Variants in COG3 observed in about 807,000 individuals in gnomAD.
The protein encoded by COG3 is component of oligomeric golgi complex 3.
Under a neutral mutation model 114.1 loss-of-function variants are expected in COG3, and 32 were observed. The observed-to-expected ratio is 0.28, with a 90% CI of 0.21 to 0.38. The LOEUF is 0.38. COG3 is among the 10% of genes least tolerant of loss of function. The probability of loss-of-function intolerance (pLI) is 1.00; values close to 1 mark genes in which losing one functional copy is unlikely to be tolerated. For synonymous variants in COG3, 352 were observed against 365.7 expected, an observed-to-expected ratio of 0.96 and a Z score of 0.43; for missense variants, 813 against 973.2, an observed-to-expected ratio of 0.84 and a Z score of 2.19.
At chr13:45,480,055 T>G in intron 3 of COG3, 70 bp from the exon 4 acceptor site, 4 of 1,340,554 alleles carry the variant, frequency 3.0e-6, no homozygotes, top group Non-Finnish European at 3.1e-6. Flanking sequence ...AAATGAGCCT[T>G]TGTTGTTTTT....
chr13:45,494,956 C>T (rs1188362233), intron 12 of COG3, among the ~76,000 whole-genome samples: 1 of 150,226 alleles, frequency 6.7e-6, no homozygotes, highest in East Asian at 2.0e-4. Context: ...AGTGATTCTC[C>T]TGCCTCAGCC....
At chr13:45,482,162 T>A (rs918058355) in intron 5 of COG3, among the ~76,000 whole-genome samples, 2 of 152,158 alleles carry the variant, frequency 1.3e-5, no homozygotes, top group African/African-American at 2.4e-5. Flanking sequence ...CAATTAAAGC[T>A]TATTAGGAAT....
chr13:45,529,393 G>A (rs1358966863), intron 20 of COG3, among the ~76,000 whole-genome samples: 1 of 151,910 alleles, frequency 6.6e-6, no homozygotes, highest in East Asian at 1.9e-4. Context: ...ATCTCTTACT[G>A]TGAGTCATTT....
intron 19 of COG3, 68 bp downstream of exon 19, chr13:45,519,162 T>C (rs1871841875): frequency 1.3e-6 from 2 of 1,546,442 alleles, no homozygotes; most frequent in Non-Finnish European, 1.8e-6. Context: ...TTTGAATTAC[T>C]CTCTTGTGTA....
intron 22 of COG3, among the ~76,000 whole-genome samples, chr13:45,533,079 G>A (rs893282731): frequency 6.6e-6 from 1 of 151,878 alleles, no homozygotes; most frequent in Non-Finnish European, 1.5e-5. Flanking sequence ...TGAATGTGGC[G>A]GGAGCTCATG....
In COG3 at chr13:45,480,245, G is replaced by A. The variant is rs1886166233; in HGVS notation, c.504G>A (p.Lys168=). 1 of 1,613,732 alleles carries A rather than the reference G, an allele frequency of 6.2e-7. No individual in the cohort carries two copies. The highest frequency in any genetic ancestry group is 1.3e-5 in the African/African-American group (1 of 74,910). The change falls in exon 4 of 23, where the codon AAG becomes AAA. Residue 168 remains lysine (K), a synonymous_variant. Transcript: ENST00000349995. The stretch of plus-strand genomic sequence containing the variant: ...AACAGTATCTTTTTGTGTCCAATAA[G>A]ACAGGAACCCTACATGAAGCCTGTG... ...LQKQYLFVSN[K]TGTLHEACEQ...
intron 8 of COG3, among the ~76,000 whole-genome samples, chr13:45,489,175 A>G (rs1886851916): frequency 8.7e-6 from 1 of 115,028 alleles, no homozygotes; most frequent in African/African-American, 3.6e-5. Flanking sequence ...TGACAAAGTG[A>G]GACTCTGTTT....
At chr13:45,474,520 G>C (rs77615659) in intron 1 of COG3, among the ~76,000 whole-genome samples, 1 of 152,244 alleles carries the variant, frequency 6.6e-6, no homozygotes, top group Non-Finnish European at 1.5e-5. Context: ...TATCAGCTAA[G>C]AGAAGATAAT....
chr13:45,478,303 C>T (rs147792570), intron 2 of COG3, among the ~76,000 whole-genome samples: 3,255 of 147,206 alleles, frequency 0.022, 118 homozygotes, highest in African/African-American at 0.076. Flanking sequence ...GCCATTCTCC[C>T]GCCTCAGCCT....
intron 8 of COG3, among the ~76,000 whole-genome samples, chr13:45,487,176 G>A (rs1008300917): frequency 1.3e-5 from 2 of 152,082 alleles, no homozygotes; most frequent in Non-Finnish European, 2.9e-5. Context: ...ATGATTGCTG[G>A]GAAAACTAGA....
intron 8 of COG3, among the ~76,000 whole-genome samples, chr13:45,488,543 G>C (rs1035920785): frequency 6.6e-6 from 1 of 152,092 alleles, no homozygotes; most frequent in African/African-American, 2.4e-5. Flanking sequence ...TATAAAAAAT[G>C]GATTATGGTG....
intron 1 of COG3, among the ~76,000 whole-genome samples, chr13:45,469,279 G>C (rs1292717290): frequency 6.6e-6 from 1 of 152,142 alleles, no homozygotes; most frequent in East Asian, 1.9e-4. Context: ...TTCTCAAGTA[G>C]AGTTTTCAAA....
chr13:45,470,186 T>C (rs1386440848), intron 1 of COG3, among the ~76,000 whole-genome samples: 2 of 152,178 alleles, frequency 1.3e-5, no homozygotes, highest in Non-Finnish European at 1.5e-5. Flanking sequence ...TGTATACTGT[T>C]ATTTGGGTTT....
chr13:45,483,169 A>G, intron 6 of COG3, 61 bp from the exon 7 acceptor site: 4 of 1,381,422 alleles, frequency 2.9e-6, no homozygotes, highest in Non-Finnish European at 3.0e-6. Flanking sequence ...GGTTTTCACT[A>G]AAAGCTTGCT....
intron 1 of COG3, among the ~76,000 whole-genome samples, chr13:45,471,123 G>T (rs113753087): frequency 0.019 from 2,904 of 152,266 alleles, 46 homozygotes; most frequent in South Asian, 0.037. Context: ...GGATTCTTTG[G>T]CTGGGCATGG....
intron 1 of COG3, among the ~76,000 whole-genome samples, chr13:45,473,181 T>C (rs1885633616): frequency 1.3e-5 from 2 of 152,162 alleles, no homozygotes; most frequent in Non-Finnish European, 2.9e-5. Flanking sequence ...TTTCCTCTTG[T>C]AATGTTTGCC....
rs767198542 is a variant in COG3, at chr13:45,516,289, C to T, written c.1930+26C>T. The T allele has an allele frequency of 7.7e-6, 12 of 1,552,460 alleles. No individual in the cohort carries two copies. In the South Asian group the frequency reaches 8.8e-5, roughly 11 times the overall value. ...GTACTTTGCTGTCCTGGCTGGCACACTTGGGTGTGTTTGATCTGTCCAGAT... is the reference window on the plus strand; with the variant it reads ...GTACTTTGCTGTCCTGGCTGGCACATTTGGGTGTGTTTGATCTGTCCAGAT... On this transcript the variant is annotated intron_variant, in intron 17 of 22. Transcript: ENST00000349995.
chr13:45,482,396 A>G lies in COG3; in HGVS notation c.640A>G (p.Thr214Ala). The change falls in exon 6 of 23, where the codon ACA (threonine) becomes GCA (alanine). Residue 214 changes from threonine (T) to alanine (A), a missense_variant. By Grantham distance (58) the Thr-to-Ala change is moderately conservative (BLOSUM62 0). Coordinates refer to ENST00000349995, the MANE Select transcript of COG3 (RefSeq NM_031431.4). Reference protein sequence around the residue: ...ETINTKLNSPTLSVNSDGFIP... With the variant: ...ETINTKLNSPALSVNSDGFIP... ...TCTCTTAAAGAAATTGAATTCCCCT[A>G]CATTGTCGGTGAATAGTGACGGATT... 5.8e-6 allele frequency: 9 copies of G among 1,539,214 alleles called. No individual in the cohort carries two copies. Among genetic ancestry groups the G allele is most frequent in the Non-Finnish European group, 8.0e-6 (9 of 1,119,030 alleles).
At chr13:45,532,150 T>C (rs1452882798) in intron 22 of COG3, 1 of 152,212 alleles carries the variant, frequency 6.6e-6, no homozygotes, top group African/African-American at 2.4e-5. Context: ...TCACCTAGCA[T>C]GTTTTCAAGG....
Sources: allele counts gnomAD v4.1 joint callset (sites outside exome capture counted in the v4.1 genomes callset), GRCh38; gene constraint gnomAD v4.1.1; transcripts MANE v1.5; gene names NCBI Gene and HGNC (gene_info 2026-07-23, HGNC 2026-07-21).